EBF3: variants seen among roughly 807,000 people sequenced by gnomAD.
EBF3 encodes the protein EBF transcription factor 3.
In EBF3, 18 loss-of-function variants were observed where a neutral mutation model predicts 77.1. That is an observed-to-expected ratio of 0.23 (90% CI 0.16 to 0.35). EBF3 has a LOEUF of 0.35. Among genes scored for constraint, EBF3 ranks in the 10% least tolerant of loss-of-function variants. EBF3 has a pLI of 1.00. For synonymous variants in EBF3, 350 were observed against 343.5 expected (o/e 1.02, Z -0.21); for missense variants, 558 against 860.0 (o/e 0.65, Z 4.39).
intron 10 of EBF3, among the ~76,000 whole-genome samples, chr10:129,858,136 C>A (rs1269357217): frequency 6.6e-6 from 1 of 152,196 alleles, no homozygotes; most frequent in African/African-American, 2.4e-5. Flanking sequence ...GCCTGGAACC[C>A]AGTCCTTGGG....
Position 129,963,256 on chromosome 10 carries a change from C to A in EBF3, c.291+111G>T. ...CCGCACGTGGCGGCGGCGGGGTGGC[C>A]TGGCGGAGCCGAGCCCGCCGCCTAG... On this transcript the variant is annotated intron_variant, in intron 2 of 16. Transcript: ENST00000440978. The surrounding 1 kb of genome is among the most constrained non-coding windows in gnomAD (Gnocchi z 7.1). 6.9e-7 allele frequency: 1 copy of A among 1,444,974 alleles called. No homozygotes were observed. Among genetic ancestry groups the A allele is most frequent in the South Asian group, 1.4e-5 (1 of 72,120 alleles). The allele number at this position is 1,444,974 out of a possible 1,614,324, so 89.5% of individuals were successfully genotyped here.
At chr10:129,920,878 G>C (rs1856249474) in intron 6 of EBF3, among the ~76,000 whole-genome samples, 1 of 152,162 alleles carries the variant, frequency 6.6e-6, no homozygotes, top group South Asian at 2.1e-4. Flanking sequence ...TGGGCCTAGA[G>C]TCAGCAGCTG....
chr10:129,866,650 C>T (rs970368491), intron 10 of EBF3, among the ~76,000 whole-genome samples: 1 of 152,182 alleles, frequency 6.6e-6, no homozygotes, highest in African/African-American at 2.4e-5. Flanking sequence ...CAAGAAAGAC[C>T]AGGCTTACAT....
chr10:129,917,678 A>AAAAAAAAC (rs1338490370), intron 6 of EBF3, among the ~76,000 whole-genome samples: 1 of 150,210 alleles, frequency 6.7e-6, no homozygotes, highest in South Asian at 2.1e-4. Flanking sequence ...AAAAAAAAAA[A>AAAAAAAAC]ACTAAAACCA....
chr10:129,957,988 A>G (rs1478695700), intron 5 of EBF3, among the ~76,000 whole-genome samples: 1 of 152,286 alleles, frequency 6.6e-6, no homozygotes. Context: ...TTTAAAGCTG[A>G]CAGCTAAAGT....
At chr10:129,880,224 C>T (rs745606202) in intron 6 of EBF3, among the ~76,000 whole-genome samples, 5 of 152,056 alleles carry the variant, frequency 3.3e-5, no homozygotes, top group Non-Finnish European at 7.4e-5. Flanking sequence ...GTGCTGGACC[C>T]CAGAAACATA....
Position 129,885,721 on chromosome 10 carries a change from T to C in EBF3, c.555-7872A>G, listed in dbSNP as rs184476234. ...ATTAAAACAGCTTCCTCTCTCCCTCTGGACACTGTTCTATTTGCCAGCTCT... is the reference window on the plus strand; with the variant it reads ...ATTAAAACAGCTTCCTCTCTCCCTCCGGACACTGTTCTATTTGCCAGCTCT... On this transcript the variant is annotated intron_variant, in intron 6 of 16. Coordinates refer to ENST00000440978, the MANE Select transcript of EBF3 (RefSeq NM_001375380.1). This position sits in a 1 kb window ranked among gnomAD's most constrained non-coding sequence, Gnocchi z 4.0. Among the ~76,000 whole-genome samples, 1,554 of 152,312 alleles carry C rather than the reference T, an allele frequency of 0.01. 21 individuals are homozygous for C. The highest frequency in any genetic ancestry group is 0.018 in the Non-Finnish European group (1,196 of 68,014).
At chr10:129,855,194 G>T (rs564731585) in intron 10 of EBF3, among the ~76,000 whole-genome samples, 2 of 152,230 alleles carry the variant, frequency 1.3e-5, no homozygotes, top group South Asian at 2.1e-4. Flanking sequence ...AATTAGAGCC[G>T]CCTCCTTCGT....
At chr10:129,892,328 G>A (rs552472542) in intron 6 of EBF3, among the ~76,000 whole-genome samples, 14 of 152,326 alleles carry the variant, frequency 9.2e-5, no homozygotes, top group African/African-American at 3.1e-4. Context: ...ACCCACTCCC[G>A]TAAAAGCAGT....
At chr10:129,960,530 TATTTG>T (rs1186130178) in intron 4 of EBF3, among the ~76,000 whole-genome samples, 7 of 152,194 alleles carry the variant, frequency 4.6e-5, no homozygotes, top group Non-Finnish European at 7.3e-5. Context: ...GCCGTATTTA[TATTTG>T]ATTTATTTTT....
intron 9 of EBF3, among the ~76,000 whole-genome samples, chr10:129,867,502 T>C (rs1196426495): frequency 1.3e-5 from 2 of 152,154 alleles, no homozygotes; most frequent in Non-Finnish European, 2.9e-5. Context: ...CATATGAAAA[T>C]TGCCACCATA....
intron 6 of EBF3, among the ~76,000 whole-genome samples, chr10:129,903,245 A>G (rs1160070192): frequency 1.3e-5 from 2 of 152,200 alleles, no homozygotes; most frequent in Non-Finnish European, 2.9e-5. Context: ...ATTTTATGCA[A>G]AGTGGATATC....
At position 129,897,132 on chromosome 10, in the gene EBF3, G is replaced by C. The variant is rs531051847; in HGVS notation, c.555-19283C>G. ...AGCTGGGAGACAGGAAGACAAAGCC[G>C]GTCTCCTTTCGGGGTCCTGGGATGA... On this transcript the variant is annotated intron_variant, in intron 6 of 16. Transcript: ENST00000440978. This position sits in a 1 kb window ranked among gnomAD's most constrained non-coding sequence, Gnocchi z 4.6. 6.6e-6 allele frequency among the ~76,000 whole-genome samples: 1 copy of C among 152,180 alleles called. No homozygotes were observed. Among genetic ancestry groups the C allele is most frequent in the African/African-American group, 2.4e-5 (1 of 41,438 alleles).
Position 129,842,086 on chromosome 10 carries a change from G to A in EBF3, c.1372+30C>T, listed in dbSNP as rs1564815866. 6.2e-7 allele frequency: 1 copy of A among 1,613,976 alleles called. No individual in the cohort carries two copies. Among genetic ancestry groups the A allele is most frequent in the Admixed American group, 1.7e-5 (1 of 60,016 alleles). On this transcript the variant is annotated intron_variant, in intron 13 of 16. Coordinates refer to ENST00000440978, the MANE Select transcript of EBF3 (RefSeq NM_001375380.1). The surrounding 1 kb of genome is among the most constrained non-coding windows in gnomAD (Gnocchi z 4.4). ...CAACCAACCCTCGGAGGGCGTTCAG[G>A]GCAGGGGTCCTCCCAGCATGCTGGC... is the stretch of plus-strand genomic sequence containing the variant.
chr10:129,906,706 A>G (rs1024811173), intron 6 of EBF3, among the ~76,000 whole-genome samples: 1 of 152,140 alleles, frequency 6.6e-6, no homozygotes, highest in African/African-American at 2.4e-5. Context: ...CTAAACCTCA[A>G]TTGTTTGATT....
chr10:129,958,464 G>A (rs1011428679), intron 5 of EBF3, among the ~76,000 whole-genome samples: 2 of 152,284 alleles, frequency 1.3e-5, no homozygotes, highest in African/African-American at 4.8e-5. Flanking sequence ...ACGCTGCATC[G>A]CTGCTCTAGG....
Position 129,848,487 on chromosome 10 carries a change from C to A in EBF3, c.1040-7G>T. 6.2e-7 allele frequency: 1 copy of A among 1,613,508 alleles called. No individual in the cohort carries two copies. The highest frequency in any genetic ancestry group is 8.5e-7 in the Non-Finnish European group (1 of 1,179,960). The stretch of plus-strand genomic sequence containing the variant: ...ATGGTTGGTTCATTAAGGGCTGCAA[C>A]AGGACACAGAAATGTAGATCAGGTT... On this transcript the variant is annotated splice_polypyrimidine_tract_variant and splice_region_variant and intron_variant, in intron 10 of 16. Transcript: ENST00000440978. This position sits in a 1 kb window ranked among gnomAD's most constrained non-coding sequence, Gnocchi z 4.4.
At chr10:129,915,308 C>CA (rs547946965) in intron 6 of EBF3, among the ~76,000 whole-genome samples, 145 of 152,296 alleles carry the variant, frequency 9.5e-4, no homozygotes, top group African/African-American at 3.4e-3. Context: ...CAAAGGATGG[C>CA]TGGGGGTTCC....
intron 7 of EBF3, among the ~76,000 whole-genome samples, chr10:129,875,268 C>T (rs1852689375): frequency 6.9e-6 from 1 of 145,316 alleles, no homozygotes; most frequent in Non-Finnish European, 1.5e-5. Flanking sequence ...ACGATCTCAG[C>T]TCACCCCAAC....
Sources: gnomAD v4.1 joint callset for allele counts (sites outside exome capture counted in the v4.1 genomes callset) on GRCh38, gnomAD v4.1.1 for gene constraint, Gnocchi (gnomAD v3.1) non-coding constraint, MANE v1.5 for transcripts, NCBI Gene and HGNC (gene_info 2026-07-23, HGNC 2026-07-21) for gene names.